The following GRIP1 variants were observed in gnomAD, a reference collection of about 807,000 sequenced individuals.
GRIP1 encodes the protein glutamate receptor interacting protein 1.
A neutral mutation model predicts 129.9 loss-of-function variants in GRIP1; 45 were observed. That is an observed-to-expected ratio of 0.35 (90% CI 0.27 to 0.44). The LOEUF is 0.44. Ranked by LOEUF, GRIP1 falls within the 20% of genes least tolerant of loss-of-function variation. The pLI, the probability that GRIP1 is intolerant of heterozygous loss-of-function variation, is 1.00. For missense variants in GRIP1, 1,196 were observed against 1,396.8 expected (o/e 0.86, Z 2.29); for synonymous variants, 530 against 520.8 (o/e 1.02, Z -0.24).
intron 1 of GRIP1, among the ~76,000 whole-genome samples, chr12:66,796,260 C>T (rs1487236304): frequency 6.6e-6 from 1 of 151,952 alleles, no homozygotes; most frequent in African/African-American, 2.4e-5. Context: ...TATGATTAGG[C>T]CTGGTTTTAA....
At chr12:66,457,888 T>C (rs2061527239) in intron 9 of GRIP1, among the ~76,000 whole-genome samples, 1 of 152,196 alleles carries the variant, frequency 6.6e-6, no homozygotes, top group South Asian at 2.1e-4. Flanking sequence ...ATACGTCAAA[T>C]GGAGATCATG....
intron 7 of GRIP1, among the ~76,000 whole-genome samples, chr12:66,494,177 T>C (rs2060176493): frequency 6.6e-6 from 1 of 152,214 alleles, no homozygotes; most frequent in Non-Finnish European, 1.5e-5. Context: ...AAATATTTGA[T>C]GTTCTGGGAT....
At chr12:67,028,303 C>A (rs2042969096) in intron 1 of GRIP1, among the ~76,000 whole-genome samples, 1 of 152,204 alleles carries the variant, frequency 6.6e-6, no homozygotes, top group African/African-American at 2.4e-5. Context: ...CATCAACTAC[C>A]AAACCCAGAG....
Position 66,895,010 on chromosome 12 carries a change from C to T in GRIP1, c.58+174040G>A, listed in dbSNP as rs183252354. 1.8e-4 allele frequency among the ~76,000 whole-genome samples: 28 copies of T among 152,294 alleles called. No individual in the cohort carries two copies. The East Asian group carries it at 5.0e-3, about 27-fold the overall frequency. On this transcript the variant is annotated intron_variant, in intron 1 of 1. Coordinates refer to the GRIP1 transcript ENST00000643019. ...TGGATTAGCTATGCCTGACTTTGCACTCTGTGCTCCACCTGGAACCCCCAA... is the reference window on the plus strand; with the variant it reads ...TGGATTAGCTATGCCTGACTTTGCATTCTGTGCTCCACCTGGAACCCCCAA...
chr12:66,792,234 A>G (rs2038562106), intron 1 of GRIP1, among the ~76,000 whole-genome samples: 1 of 151,922 alleles, frequency 6.6e-6, no homozygotes, highest in Admixed American at 6.6e-5. Context: ...ACATCAAACA[A>G]CTCCAAATCA....
chr12:66,573,596 A>C (rs1028946341), intron 2 of GRIP1, among the ~76,000 whole-genome samples: 2 of 152,180 alleles, frequency 1.3e-5, no homozygotes, highest in African/African-American at 4.8e-5. Context: ...CCGGCATTCA[A>C]GTAAGGCAGG....
intron 1 of GRIP1, among the ~76,000 whole-genome samples, chr12:66,663,672 A>G (rs1399099624): frequency 6.6e-6 from 1 of 152,182 alleles, no homozygotes; most frequent in Non-Finnish European, 1.5e-5. Flanking sequence ...CTAGGAAAGA[A>G]CTTGTTAGGC....
intron 2 of GRIP1, among the ~76,000 whole-genome samples, chr12:66,592,828 A>G (rs1255525005): frequency 6.6e-6 from 1 of 152,218 alleles, no homozygotes; most frequent in Non-Finnish European, 1.5e-5. Context: ...CAAGTGGTCA[A>G]ACTTCATTTC....
chr12:66,968,184 A>G (rs2042023514), intron 1 of GRIP1, among the ~76,000 whole-genome samples: 1 of 152,136 alleles, frequency 6.6e-6, no homozygotes, highest in South Asian at 2.1e-4. Flanking sequence ...TGATACTTTT[A>G]TCAGTCTTAA....
chr12:66,590,433 G>A (rs1319455762), intron 2 of GRIP1, among the ~76,000 whole-genome samples: 1 of 152,076 alleles, frequency 6.6e-6, no homozygotes, highest in Non-Finnish European at 1.5e-5. Flanking sequence ...TTTGCCTTGT[G>A]CTATTTGAGG....
intron 5 of GRIP1, among the ~76,000 whole-genome samples, chr12:66,526,847 C>T (rs1192896771): frequency 6.6e-6 from 1 of 150,510 alleles, no homozygotes; most frequent in Non-Finnish European, 1.5e-5. Flanking sequence ...AAAACAACCC[C>T]ATCAAAAAGT....
chr12:66,379,134 C>G, intron 20 of GRIP1, 146 bp downstream of exon 20: 2 of 959,538 alleles, frequency 2.1e-6, no homozygotes, highest in East Asian at 2.4e-5. Context: ...CTTTTAGAAT[C>G]CTGCCATGTG....
chr12:66,745,713 C>T (rs2036923450), intron 1 of GRIP1, among the ~76,000 whole-genome samples: 1 of 151,996 alleles, frequency 6.6e-6, no homozygotes, highest in Admixed American at 6.6e-5. Context: ...AGGGACATTT[C>T]AAAATGTAAG....
chr12:66,376,815 C>G (rs924648666), intron 22 of GRIP1, among the ~76,000 whole-genome samples: 1 of 152,294 alleles, frequency 6.6e-6, no homozygotes, highest in South Asian at 2.1e-4. Context: ...AGACTTAGCT[C>G]GCTTTTTAGC....
chr12:66,349,267 A>G, intron 24 of GRIP1, 21 bp from the exon 25 acceptor site: 1 of 1,554,850 alleles, frequency 6.4e-7, no homozygotes, highest in Non-Finnish European at 8.9e-7. Context: ...AAGAACAGCC[A>G]TTTTGAATTA....
At chr12:67,012,334 AC>A (rs2042721801) in intron 1 of GRIP1, among the ~76,000 whole-genome samples, 1 of 152,154 alleles carries the variant, frequency 6.6e-6, no homozygotes, top group African/African-American at 2.4e-5. Flanking sequence ...ATTAGAACTG[AC>A]CAAAAATATG....
intron 1 of GRIP1, among the ~76,000 whole-genome samples, chr12:66,971,352 G>GT (rs1194486135): frequency 4.6e-5 from 7 of 152,196 alleles, no homozygotes; most frequent in South Asian, 2.1e-4. Flanking sequence ...GCCTTACTTT[G>GT]TTTTTTTCAT....
chr12:66,863,733 G>C (rs142519927), intron 1 of GRIP1, among the ~76,000 whole-genome samples: 9 of 152,060 alleles, frequency 5.9e-5, no homozygotes, highest in African/African-American at 2.2e-4. Context: ...TTCCTCATAC[G>C]CCCTGTGTTA....
At position 66,577,122 on chromosome 12, in the gene GRIP1, C is replaced by T. The variant is rs547869292; in HGVS notation, c.136+19725G>A. Among the ~76,000 whole-genome samples, 44 of 152,088 alleles carry T rather than the reference C, an allele frequency of 2.9e-4. 1 individual carries two copies. The highest frequency in any genetic ancestry group is 2.0e-4 in the Admixed American group (3 of 15,278). ...GAAAACATGTTCTATAAGGCAGAAC[C>T]GGAGGAAGGAACATATTTTATCTGG... On this transcript the variant is annotated intron_variant, in intron 2 of 24. Coordinates refer to ENST00000359742, the MANE Select transcript of GRIP1 (RefSeq NM_001366722.1).
Sources: gnomAD v4.1 joint callset for allele counts (sites outside exome capture counted in the v4.1 genomes callset) on GRCh38, gnomAD v4.1.1 for gene constraint, MANE v1.5 for transcripts, NCBI Gene and HGNC (gene_info 2026-07-23, HGNC 2026-07-21) for gene names.